DNAJC24: variants seen among roughly 807,000 people sequenced by gnomAD.
DNAJC24 encodes DnaJ heat shock protein family (Hsp40) member C24.
DNAJC24 carries 17 observed loss-of-function variants against 18.0 expected under a neutral mutation model. The observed-to-expected ratio is 0.94, with a 90% CI of 0.65 to 1.42. DNAJC24 has a LOEUF of 1.42. Among genes scored for constraint, DNAJC24 ranks in the 40% most tolerant of loss-of-function variants. The pLI, the probability that DNAJC24 is intolerant of heterozygous loss-of-function variation, is 0.00. For synonymous variants in DNAJC24, 55 were observed against 57.7 expected, an observed-to-expected ratio of 0.95 and a Z score of 0.21; for missense variants, 158 against 175.6, an observed-to-expected ratio of 0.90 and a Z score of 0.57.
At chr11:31,402,201 G>A (rs1217030393) in intron 2 of DNAJC24, among the ~76,000 whole-genome samples, 1 of 152,112 alleles carries the variant, frequency 6.6e-6, no homozygotes, top group Non-Finnish European at 1.5e-5. Flanking sequence ...GAATACTATA[G>A]GCAGTTGTAA....
intron 2 of DNAJC24, among the ~76,000 whole-genome samples, chr11:31,396,595 G>T (rs1436956916): frequency 6.6e-6 from 1 of 152,018 alleles, no homozygotes; most frequent in Non-Finnish European, 1.5e-5. Context: ...CCTTAGTTTA[G>T]CATAGTTCCT....
intron 3 of DNAJC24, among the ~76,000 whole-genome samples, chr11:31,425,206 T>C (rs1357354080): frequency 2.0e-5 from 3 of 152,150 alleles, no homozygotes; most frequent in Non-Finnish European, 4.4e-5. Flanking sequence ...GAAACAGCAA[T>C]GGAACATCAA....
intron 3 of DNAJC24, among the ~76,000 whole-genome samples, chr11:31,418,924 A>C (rs1184362718): frequency 6.6e-6 from 1 of 152,132 alleles, no homozygotes; most frequent in South Asian, 2.1e-4. Flanking sequence ...CTTAAAACAA[A>C]TGAGGAACAT....
chr11:31,419,387 C>G (rs975146334), intron 3 of DNAJC24, among the ~76,000 whole-genome samples: 1 of 152,010 alleles, frequency 6.6e-6, no homozygotes, highest in Non-Finnish European at 1.5e-5. Context: ...ATAGATAAAA[C>G]TTTCTGTGCA....
chr11:31,408,160 A>G, intron 2 of DNAJC24: 1 of 456,264 alleles, frequency 2.2e-6, no homozygotes, highest in Middle Eastern at 3.3e-4. Flanking sequence ...GGAAGGACGC[A>G]TCTGTCACAG....
chr11:31,422,022 G>A, intron 3 of DNAJC24: 1 of 421,264 alleles, frequency 2.4e-6, no homozygotes, highest in African/African-American at 2.1e-5. Context: ...AGATCCCACT[G>A]TTGAGACAAT....
intron 2 of DNAJC24, among the ~76,000 whole-genome samples, chr11:31,388,463 C>A (rs1952453468): frequency 6.6e-6 from 1 of 152,106 alleles, no homozygotes; most frequent in African/African-American, 2.4e-5. Context: ...AGTAGCATGA[C>A]ATATTTAAAG....
chr11:31,397,748 TC>T (rs1952557039), intron 2 of DNAJC24, among the ~76,000 whole-genome samples: 1 of 152,174 alleles, frequency 6.6e-6, no homozygotes, highest in Admixed American at 6.5e-5. Context: ...AACAGCTGCT[TC>T]AAAATAACAG....
At chr11:31,418,495 G>A (rs899825420) in intron 3 of DNAJC24, among the ~76,000 whole-genome samples, 3 of 152,062 alleles carry the variant, frequency 2.0e-5, no homozygotes, top group African/African-American at 7.2e-5. Flanking sequence ...GCTCTATACA[G>A]TGACACAGCT....
chr11:31,416,308 A>T (rs531958268), intron 3 of DNAJC24: 1 of 152,320 alleles, frequency 6.6e-6, no homozygotes, highest in South Asian at 2.1e-4. Flanking sequence ...TTTGCAAAAG[A>T]ATGTAGAAGT....
At chr11:31,394,078 C>A (rs539872502) in intron 2 of DNAJC24, among the ~76,000 whole-genome samples, 13 of 152,210 alleles carry the variant, frequency 8.5e-5, no homozygotes, top group Middle Eastern at 3.4e-3. Context: ...GTAACTCATG[C>A]CTGAGTGACA....
chr11:31,396,931 C>T (rs575959418), intron 2 of DNAJC24, among the ~76,000 whole-genome samples: 1 of 152,194 alleles, frequency 6.6e-6, no homozygotes, highest in East Asian at 1.9e-4. Flanking sequence ...TACTTTCTTG[C>T]CTTGTATTTG....
intron 2 of DNAJC24, among the ~76,000 whole-genome samples, chr11:31,401,862 C>T (rs1311547115): frequency 1.3e-5 from 2 of 152,146 alleles, no homozygotes; most frequent in African/African-American, 4.8e-5. Context: ...AACCATGGGG[C>T]TGTCTATGTT....
chr11:31,377,144 G>T (rs1056586684), intron 2 of DNAJC24, among the ~76,000 whole-genome samples: 1 of 151,980 alleles, frequency 6.6e-6, no homozygotes, highest in African/African-American at 2.4e-5. Flanking sequence ...AAAGGCACAC[G>T]TATTACATGT....
intron 2 of DNAJC24, among the ~76,000 whole-genome samples, chr11:31,403,296 C>A (rs1031509360): frequency 6.6e-6 from 1 of 152,058 alleles, no homozygotes; most frequent in Non-Finnish European, 1.5e-5. Flanking sequence ...AAGTGAGACA[C>A]TTTTTTCAGG....
At chr11:31,405,428 G>A (rs1434951613) in intron 2 of DNAJC24, among the ~76,000 whole-genome samples, 1 of 149,146 alleles carries the variant, frequency 6.7e-6, no homozygotes, top group Non-Finnish European at 1.5e-5. Flanking sequence ...AAGTCTCATA[G>A]CTACTGTCTT....
At chr11:31,407,506 G>T (rs1336408408) in intron 2 of DNAJC24, 1 of 151,266 alleles carries the variant, frequency 6.6e-6, no homozygotes, top group East Asian at 1.9e-4. Context: ...GGGCAATATG[G>T]AAACCTCATC....
chr11:31,415,025 A>G (rs1326027156), intron 3 of DNAJC24, 76 bp downstream of exon 3: 1 of 1,476,268 alleles, frequency 6.8e-7, no homozygotes, highest in African/African-American at 1.4e-5. Context: ...CCTGGGGAGC[A>G]TTTTCCAGCA....
chr11:31,405,182 G>T (rs777944948), intron 2 of DNAJC24, among the ~76,000 whole-genome samples: 3 of 149,526 alleles, frequency 2.0e-5, no homozygotes, highest in Non-Finnish European at 4.4e-5. Context: ...CGATTCTCCT[G>T]CCTCAGCCTC....
Sources: gnomAD v4.1 joint callset for allele counts (sites outside exome capture counted in the v4.1 genomes callset) on GRCh38, gnomAD v4.1.1 for gene constraint, MANE v1.5 for transcripts, NCBI Gene and HGNC (gene_info 2026-07-23, HGNC 2026-07-21) for gene names.